Variants in UMAD1 observed in about 807,000 individuals in gnomAD.
UMAD1 encodes UBAP1-MVB12-associated (UMA)-domain containing protein 1.
Under a neutral mutation model 6.1 loss-of-function variants are expected in UMAD1, and 8 were observed. The observed-to-expected ratio is 1.30, with a 90% confidence interval of 0.76 to 2.35. The LOEUF is 2.35. Among genes scored for constraint, UMAD1 ranks in the 30% most tolerant of loss-of-function variants. The pLI is 0.00. For synonymous variants in UMAD1, 56 were observed against 31.4 expected (o/e 1.78, Z -2.61); for missense variants, 130 against 78.4 (o/e 1.66, Z -2.49).
intron 1 of UMAD1, among the ~76,000 whole-genome samples, chr7:7,655,053 T>A (rs1016300181): frequency 6.6e-6 from 1 of 152,240 alleles, no homozygotes; most frequent in Non-Finnish European, 1.5e-5. Flanking sequence ...TATGTAATGC[T>A]TGCTATGCTA....
intron 1 of UMAD1, among the ~76,000 whole-genome samples, chr7:7,662,316 A>G (rs951708320): frequency 6.6e-6 from 1 of 152,060 alleles, no homozygotes; most frequent in African/African-American, 2.4e-5. Context: ...CAGGGCAGTG[A>G]ATGGTTCTGT....
intron 2 of UMAD1, among the ~76,000 whole-genome samples, chr7:7,685,458 C>T (rs933584959): frequency 2.6e-5 from 4 of 151,736 alleles, no homozygotes; most frequent in South Asian, 2.1e-4. Flanking sequence ...TACAGGTGTG[C>T]GCCACCACGC....
intron 2 of UMAD1, among the ~76,000 whole-genome samples, chr7:7,766,940 G>T (rs75827497): frequency 4.5e-4 from 69 of 152,090 alleles, no homozygotes; most frequent in African/African-American, 1.2e-3. Context: ...TTATATTTTG[G>T]TGGATTCTAT....
intron 1 of UMAD1, among the ~76,000 whole-genome samples, chr7:7,643,346 A>G (rs910914606): frequency 1.3e-5 from 2 of 152,234 alleles, no homozygotes; most frequent in Non-Finnish European, 2.9e-5. Context: ...CCCAAGGCTA[A>G]GGAGGGCTCT....
At chr7:7,683,987 A>C (rs1317181316) in intron 2 of UMAD1, among the ~76,000 whole-genome samples, 1 of 151,996 alleles carries the variant, frequency 6.6e-6, no homozygotes, top group Non-Finnish European at 1.5e-5. Flanking sequence ...TGGTTCCAAG[A>C]CCCCCGCTCA....
chr7:7,706,061 C>G (rs745803402), intron 2 of UMAD1, among the ~76,000 whole-genome samples: 23 of 151,742 alleles, frequency 1.5e-4, no homozygotes, highest in Non-Finnish European at 3.2e-4. Context: ...GTCATTATTC[C>G]CTAGAATAAA....
chr7:7,840,068 A>T (rs73343505), intron 3 of UMAD1, among the ~76,000 whole-genome samples: 2,251 of 152,260 alleles, frequency 0.015, 56 homozygotes, highest in African/African-American at 0.05. Context: ...AATAGACATG[A>T]TGGTGACCTA....
chr7:7,663,988 T>G (rs1009617302), intron 1 of UMAD1, among the ~76,000 whole-genome samples: 4 of 152,218 alleles, frequency 2.6e-5, no homozygotes, highest in African/African-American at 9.6e-5. Context: ...TTTAGGCTAT[T>G]AATTCCTAAC....
intron 2 of UMAD1, among the ~76,000 whole-genome samples, chr7:7,753,012 C>T (rs182219766): frequency 1.0e-3 from 152 of 152,212 alleles, no homozygotes; most frequent in African/African-American, 3.6e-3. Context: ...CATACATATT[C>T]CAGAAGGCAT....
At chr7:7,649,437 C>G (rs1563082871) in intron 1 of UMAD1, among the ~76,000 whole-genome samples, 1 of 152,110 alleles carries the variant, frequency 6.6e-6, no homozygotes. Flanking sequence ...ACCTGGTTAC[C>G]TTTTATAGGT....
intron 2 of UMAD1, among the ~76,000 whole-genome samples, chr7:7,688,324 G>C (rs1360210873): frequency 6.6e-6 from 1 of 152,022 alleles, no homozygotes; most frequent in Non-Finnish European, 1.5e-5. Flanking sequence ...TATCTCATTG[G>C]GTACCTTTAC....
At chr7:7,815,833 A>G (rs933048365) in intron 3 of UMAD1, among the ~76,000 whole-genome samples, 12 of 152,138 alleles carry the variant, frequency 7.9e-5, no homozygotes, top group Non-Finnish European at 1.8e-4. Flanking sequence ...GGAAGGATGA[A>G]TATTGGGTAG....
At position 7,658,119 on chromosome 7, in the gene UMAD1, A is replaced by G. The variant is rs191710121; in HGVS notation, c.-63-15190A>G. 2.2e-3 allele frequency among the ~76,000 whole-genome samples: 339 copies of G among 150,702 alleles called. 4 individuals carry two copies. The highest frequency in any genetic ancestry group is 7.7e-3 in the African/African-American group (318 of 41,270). On this transcript the variant is annotated intron_variant, in intron 1 of 3. Coordinates refer to ENST00000682710, the MANE Select transcript of UMAD1 (RefSeq NM_001302348.2). ...TGCTTTGGCTCTCTGTTTGTCTATTATTGGTGTATAGGAATGCTTGTGATT... is the reference window on the plus strand; with the variant it reads ...TGCTTTGGCTCTCTGTTTGTCTATTGTTGGTGTATAGGAATGCTTGTGATT...
chr7:7,854,961 C>G (rs1307934593), intron 3 of UMAD1, among the ~76,000 whole-genome samples: 1 of 152,116 alleles, frequency 6.6e-6, no homozygotes, highest in Non-Finnish European at 1.5e-5. Flanking sequence ...GGCTACAGGC[C>G]CCATGCAAGT....
intron 3 of UMAD1, among the ~76,000 whole-genome samples, chr7:7,825,924 A>G (rs112262259): frequency 2.0e-5 from 3 of 152,300 alleles, no homozygotes; most frequent in Non-Finnish European, 2.9e-5. Flanking sequence ...GTATATGCAT[A>G]TAACTTACAC....
intron 3 of UMAD1, among the ~76,000 whole-genome samples, chr7:7,820,505 A>C (rs1783222219): frequency 1.3e-5 from 2 of 152,168 alleles, no homozygotes; most frequent in South Asian, 4.1e-4. Context: ...ATGTCTTTTA[A>C]ATTTTGAATA....
intron 3 of UMAD1, among the ~76,000 whole-genome samples, chr7:7,824,287 T>C (rs776754642): frequency 6.6e-6 from 1 of 152,158 alleles, no homozygotes; most frequent in Non-Finnish European, 1.5e-5. Context: ...CCAAGTTGAT[T>C]AGCATGGCAT....
chr7:7,818,827 G>C (rs574062522), intron 3 of UMAD1, among the ~76,000 whole-genome samples: 1 of 152,236 alleles, frequency 6.6e-6, no homozygotes, highest in African/African-American at 2.4e-5. Context: ...TGTAGAGACA[G>C]GGTTTTGCTA....
In UMAD1 at chr7:7,787,107, T is replaced by C. The variant is rs142543882; in HGVS notation, c.83-14563T>C. On this transcript the variant is annotated intron_variant, in intron 2 of 3. Coordinates refer to ENST00000682710, the MANE Select transcript of UMAD1 (RefSeq NM_001302348.2). ...GCCCCCTAGAAAACTGCTGAACTTA[T>C]TTGAAAACACTGAGTCATGATGATA... Among the ~76,000 whole-genome samples the C allele has an allele frequency of 1.1e-4, 17 of 152,332 alleles. No homozygotes were observed. The East Asian group carries it at 2.1e-3, about 19-fold the overall frequency.
Sources: allele counts gnomAD v4.1 joint callset (sites outside exome capture counted in the v4.1 genomes callset), GRCh38; gene constraint gnomAD v4.1.1; transcripts MANE v1.5; gene names NCBI Gene and HGNC (gene_info 2026-07-23, HGNC 2026-07-21).